Variants in BCKDHB observed in about 807,000 individuals in gnomAD.
The protein encoded by BCKDHB is 2-oxoisovalerate dehydrogenase subunit beta, mitochondrial.
A neutral mutation model predicts 48.5 loss-of-function variants in BCKDHB; 41 were observed. The observed-to-expected ratio is 0.85, with a 90% CI of 0.66 to 1.10. The LOEUF is 1.10. Among genes scored for constraint, BCKDHB ranks in the 50% least tolerant of loss-of-function variants. BCKDHB has a pLI of 0.00. For synonymous variants in BCKDHB, 201 were observed against 174.8 expected (o/e 1.15, Z -1.18); for missense variants, 496 against 494.2 (o/e 1.00, Z -0.03).
the BCKDHB span, among the ~76,000 whole-genome samples, chr6:80,429,171 C>T: frequency 6.6e-6 from 1 of 152,158 alleles, no homozygotes; most frequent in Non-Finnish European, 1.5e-5. Flanking sequence ...TGTCAAAGAT[C>T]AGATGGTTGT....
intron 3 of BCKDHB, among the ~76,000 whole-genome samples, chr6:80,132,947 ACTGT>A (rs1460890939): frequency 1.3e-5 from 2 of 152,216 alleles, no homozygotes; most frequent in South Asian, 2.1e-4. Flanking sequence ...CAGAAGCATA[ACTGT>A]CTGCTTAGGA....
intron 9 of BCKDHB, among the ~76,000 whole-genome samples, chr6:80,337,257 T>C (rs1401664761): frequency 6.6e-6 from 1 of 152,156 alleles, no homozygotes; most frequent in East Asian, 1.9e-4. Context: ...CTGAGTGATG[T>C]CTAGCCTTAC....
At chr6:80,204,358 G>T (rs1582349927) in intron 8 of BCKDHB, among the ~76,000 whole-genome samples, 2 of 152,246 alleles carry the variant, frequency 1.3e-5, no homozygotes, top group Admixed American at 1.3e-4. Context: ...TCTATTTGTA[G>T]TTGCTGTAAT....
At chr6:80,435,899 G>A in the BCKDHB span, among the ~76,000 whole-genome samples, 2 of 152,168 alleles carry the variant, frequency 1.3e-5, no homozygotes, top group South Asian at 2.1e-4. Flanking sequence ...TGGCTGTAGT[G>A]GCGCATGCCT....
At chr6:80,239,003 A>T (rs958481861) in intron 8 of BCKDHB, among the ~76,000 whole-genome samples, 5 of 152,296 alleles carry the variant, frequency 3.3e-5, no homozygotes, top group South Asian at 2.1e-4. Context: ...TCTATCATTG[A>T]TAGACATTTG....
At chr6:80,425,706 C>T in the BCKDHB span, among the ~76,000 whole-genome samples, 3 of 152,170 alleles carry the variant, frequency 2.0e-5, no homozygotes, top group Non-Finnish European at 4.4e-5. Context: ...ACAACTACAA[C>T]ATCAGTTGTT....
chr6:80,327,139 GGGGTTACCT>G (rs1769071179), intron 9 of BCKDHB, among the ~76,000 whole-genome samples: 1 of 152,164 alleles, frequency 6.6e-6, no homozygotes, highest in East Asian at 1.9e-4. Context: ...AACTTATGAT[GGGGTTACCT>G]TCCAGTAGAC....
intron 9 of BCKDHB, among the ~76,000 whole-genome samples, chr6:80,274,575 C>A (rs1309294135): frequency 1.3e-5 from 2 of 151,920 alleles, no homozygotes; most frequent in Non-Finnish European, 2.9e-5. Context: ...AGGATAGTGA[C>A]TGTTGCTAAT....
intron 1 of BCKDHB, among the ~76,000 whole-genome samples, chr6:80,117,326 G>A (rs1055491597): frequency 1.3e-5 from 2 of 152,170 alleles, no homozygotes; most frequent in African/African-American, 4.8e-5. Flanking sequence ...TACTTTGTAT[G>A]ATTTTTATTA....
intron 6 of BCKDHB, among the ~76,000 whole-genome samples, chr6:80,186,775 TGCCTACAGG>T (rs985161714): frequency 6.6e-6 from 1 of 152,104 alleles, no homozygotes; most frequent in African/African-American, 2.4e-5. Flanking sequence ...GAACTGGGAG[TGCCTACAGG>T]GCGCTTCCCG....
the BCKDHB span, among the ~76,000 whole-genome samples, chr6:80,442,430 T>C: frequency 1.3e-5 from 2 of 152,326 alleles, no homozygotes; most frequent in Admixed American, 6.5e-5. Context: ...GTTGCTAATA[T>C]ATGTGTATAG....
chr6:80,349,568 A>G (rs1263748469), downstream of BCKDHB, among the ~76,000 whole-genome samples: 1 of 152,242 alleles, frequency 6.6e-6, no homozygotes, highest in Non-Finnish European at 1.5e-5. Context: ...TTCACCAGGA[A>G]GTCTTGAAAT....
the BCKDHB span, among the ~76,000 whole-genome samples, chr6:80,419,306 C>T: frequency 6.6e-6 from 1 of 152,146 alleles, no homozygotes; most frequent in Non-Finnish European, 1.5e-5. Context: ...CTCTGCTGGT[C>T]AAGCATAATT....
chr6:80,414,738 G>T, the BCKDHB span, among the ~76,000 whole-genome samples: 1 of 152,068 alleles, frequency 6.6e-6, no homozygotes, highest in Non-Finnish European at 1.5e-5. Flanking sequence ...GGCTATTGGG[G>T]CTCTTTATGG....
the BCKDHB span, among the ~76,000 whole-genome samples, chr6:80,368,098 C>G: frequency 6.6e-6 from 1 of 152,266 alleles, no homozygotes. Context: ...GTAGTTCTGT[C>G]ATCATCTTCT....
intron 1 of BCKDHB, among the ~76,000 whole-genome samples, chr6:80,126,545 A>T (rs1181509301): frequency 2.6e-5 from 4 of 152,148 alleles, no homozygotes; most frequent in Non-Finnish European, 5.9e-5. Flanking sequence ...AGCAACAGGT[A>T]TCGAAATGAT....
intron 8 of BCKDHB, among the ~76,000 whole-genome samples, chr6:80,204,084 G>C (rs1374380748): frequency 2.0e-5 from 3 of 151,952 alleles, no homozygotes; most frequent in African/African-American, 7.2e-5. Flanking sequence ...ATTTTTTCTT[G>C]ATATACTGCT....
the BCKDHB span, among the ~76,000 whole-genome samples, chr6:80,366,611 C>A: frequency 1.3e-5 from 2 of 152,134 alleles, no homozygotes; most frequent in Admixed American, 1.3e-4. Flanking sequence ...TAAAAATCTC[C>A]CATTTTCTCA....
At chr6:80,331,162 C>A (rs1399667091) in intron 9 of BCKDHB, among the ~76,000 whole-genome samples, 1 of 152,016 alleles carries the variant, frequency 6.6e-6, no homozygotes, top group Non-Finnish European at 1.5e-5. Flanking sequence ...GGAGGGAATG[C>A]AGTCATGGCC....
Sources: allele counts gnomAD v4.1 joint callset (sites outside exome capture counted in the v4.1 genomes callset), GRCh38; gene constraint gnomAD v4.1.1; transcripts MANE v1.5; gene names NCBI Gene and HGNC (gene_info 2026-07-23, HGNC 2026-07-21).